TMED3: variants seen among roughly 807,000 people sequenced by gnomAD.
The protein encoded by TMED3 is transmembrane emp24 domain-containing protein 3.
Under a neutral mutation model 15.0 loss-of-function variants are expected in TMED3, and 9 were observed. The observed-to-expected ratio is 0.60, with a 90% confidence interval of 0.36 to 1.04. The LOEUF is 1.04. TMED3 is among the 50% of genes least tolerant of loss of function. The probability of loss-of-function intolerance (pLI) is 0.01; values close to 1 mark genes in which losing one functional copy is unlikely to be tolerated. For synonymous variants in TMED3, 117 were observed against 121.4 expected, an observed-to-expected ratio of 0.96 and a Z score of 0.24; for missense variants, 267 against 278.9, an observed-to-expected ratio of 0.96 and a Z score of 0.30.
rs1318142337 is a variant in TMED3, at chr15:79,337,505, C to G, written c.417+23500C>G. Among the ~76,000 whole-genome samples, 3 of 152,176 alleles carry G rather than the reference C, an allele frequency of 2.0e-5. No individual in the cohort carries two copies. The South Asian group carries it at 6.2e-4, about 32-fold the overall frequency. On this transcript the variant is annotated intron_variant, in intron 2 of 2. Coordinates refer to the TMED3 transcript ENST00000424155. ...AGGACACAGTTCAGCCAATAACAGACAGTGTTAGATAAATTCCATCCAAGT... is the reference window on the plus strand; with the variant it reads ...AGGACACAGTTCAGCCAATAACAGAGAGTGTTAGATAAATTCCATCCAAGT...
At chr15:79,382,037 G>A (rs1028787600) in intron 2 of TMED3, among the ~76,000 whole-genome samples, 10 of 152,188 alleles carry the variant, frequency 6.6e-5, no homozygotes, top group East Asian at 1.9e-4. Context: ...CTGCTTGAGC[G>A]GAGCTTCATT....
In TMED3 at chr15:79,382,036, C is replaced by T. The variant is rs182118320; in HGVS notation, c.418-29364C>T. The stretch of plus-strand genomic sequence containing the variant: ...ATTGTGTACAAAGTAGCTGCTTGAG[C>T]GGAGCTTCATTATTCAACAGGGCTT... On this transcript the variant is annotated intron_variant, in intron 2 of 2. Transcript: ENST00000424155. Among the ~76,000 whole-genome samples the T allele has an allele frequency of 4.4e-3, 675 of 152,306 alleles. 6 individuals are homozygous for T. Among genetic ancestry groups the T allele is most frequent in the South Asian group, 7.7e-3 (37 of 4,828 alleles).
At chr15:79,392,978 AGAAGT>A (rs1893715710) in intron 2 of TMED3, among the ~76,000 whole-genome samples, 1 of 152,252 alleles carries the variant, frequency 6.6e-6, no homozygotes, top group Admixed American at 6.5e-5. Context: ...AGGGATCCCC[AGAAGT>A]GAAACTCAGT....
At chr15:79,359,825 T>C (rs934819208) in intron 2 of TMED3, among the ~76,000 whole-genome samples, 7 of 152,210 alleles carry the variant, frequency 4.6e-5, no homozygotes, top group African/African-American at 1.7e-4. Flanking sequence ...ATGCCTGGAA[T>C]AGCGAAAGCC....
At chr15:79,400,065 T>TC (rs1893813734) in intron 2 of TMED3, among the ~76,000 whole-genome samples, 1 of 152,188 alleles carries the variant, frequency 6.6e-6, no homozygotes, top group African/African-American at 2.4e-5. Flanking sequence ...AGCTTCTGCC[T>TC]TTCTCTCCAG....
At chr15:79,318,535 T>C (rs908844839) in intron 2 of TMED3, among the ~76,000 whole-genome samples, 1 of 152,104 alleles carries the variant, frequency 6.6e-6, no homozygotes, top group African/African-American at 2.4e-5. Context: ...ATCACCAGGG[T>C]GATGTAAATA....
chr15:79,386,866 T>A (rs1220869119), intron 2 of TMED3, among the ~76,000 whole-genome samples: 4 of 151,950 alleles, frequency 2.6e-5, no homozygotes, highest in African/African-American at 9.7e-5. Context: ...TAATGTAATA[T>A]AATTTATCAA....
At chr15:79,400,544 A>G (rs1445903724) in intron 2 of TMED3, among the ~76,000 whole-genome samples, 1 of 152,250 alleles carries the variant, frequency 6.6e-6, no homozygotes, top group African/African-American at 2.4e-5. Flanking sequence ...CCTAGGGTCT[A>G]GAGTTGATTA....
At chr15:79,379,804 A>G (rs1024380709) in intron 2 of TMED3, among the ~76,000 whole-genome samples, 6 of 152,218 alleles carry the variant, frequency 3.9e-5, no homozygotes, top group African/African-American at 1.4e-4. Context: ...CAGCTAGCAT[A>G]TAATTTTGTT....
downstream of TMED3, among the ~76,000 whole-genome samples, chr15:79,325,566 T>C (rs1252940909): frequency 6.6e-6 from 1 of 152,126 alleles, no homozygotes; most frequent in Non-Finnish European, 1.5e-5. Context: ...TATGTATATA[T>C]GAAAGGGAGT....
chr15:79,322,493 A>C lies in TMED3; in HGVS notation c.*279A>C. 17 of 1,256,258 alleles carry C rather than the reference A, an allele frequency of 1.4e-5. No individual in the cohort carries two copies. Among genetic ancestry groups the C allele is most frequent in the Non-Finnish European group, 1.7e-5 (17 of 996,318 alleles). 77.8% of individuals were successfully genotyped at this position (1,256,258 alleles called of 1,614,324 possible). A position where few individuals can be genotyped will look rare whatever the true frequency, so the allele number is the denominator to read the frequency against. ...GCCACTGTGGGAGGGTGGACAGGCA[A>C]TGGTTCAGTGGCCTGGCTGTTGGCA... On this transcript the variant is annotated 3_prime_UTR_variant, in exon 3 of 3. Coordinates refer to ENST00000299705, the MANE Select transcript of TMED3 (RefSeq NM_007364.4).
downstream of TMED3, among the ~76,000 whole-genome samples, chr15:79,325,056 T>G (rs1473670175): frequency 6.6e-6 from 1 of 152,064 alleles, no homozygotes; most frequent in Non-Finnish European, 1.5e-5. Context: ...AACTGACAGG[T>G]GGAGTTTGAA....
At chr15:79,386,704 A>ATTTTTTTTTTTTT (rs35828266) in intron 2 of TMED3, among the ~76,000 whole-genome samples, 1 of 125,182 alleles carries the variant, frequency 8.0e-6, no homozygotes, top group Non-Finnish European at 1.6e-5. Flanking sequence ...ATGCCTGGCT[A>ATTTTTTTTTTTTT]TTTTTTTTTT....
chr15:79,387,594 G>GCACACACACACACACA (rs60358297), intron 2 of TMED3, among the ~76,000 whole-genome samples: 1 of 149,306 alleles, frequency 6.7e-6, no homozygotes, highest in African/African-American at 2.5e-5. Context: ...ACATGCACCT[G>GCACACACACACACACA]CACACACACA....
chr15:79,353,924 C>T (rs1052761942), intron 2 of TMED3, among the ~76,000 whole-genome samples: 1 of 152,058 alleles, frequency 6.6e-6, no homozygotes, highest in Non-Finnish European at 1.5e-5. Flanking sequence ...CCCCAGCTTC[C>T]CCTAGAATCC....
intron 2 of TMED3, among the ~76,000 whole-genome samples, chr15:79,348,482 A>G (rs8029892): frequency 0.094 from 14,250 of 152,288 alleles, 708 homozygotes; most frequent in Admixed American, 0.12. Context: ...ACAAATCAAT[A>G]GAAACCTCAT....
At chr15:79,351,942 T>G (rs1028012698) in intron 2 of TMED3, among the ~76,000 whole-genome samples, 6 of 152,124 alleles carry the variant, frequency 3.9e-5, no homozygotes, top group African/African-American at 1.4e-4. Context: ...TTGGAGACCA[T>G]TATTCAAAGT....
At chr15:79,371,994 A>G (rs1893348320) in intron 2 of TMED3, among the ~76,000 whole-genome samples, 1 of 152,204 alleles carries the variant, frequency 6.6e-6, no homozygotes, top group Non-Finnish European at 1.5e-5. Flanking sequence ...CCTTGTCTCA[A>G]AGTTTAACTA....
intron 2 of TMED3, among the ~76,000 whole-genome samples, chr15:79,377,850 G>GCA (rs1893457523): frequency 6.6e-6 from 1 of 151,920 alleles, no homozygotes; most frequent in Admixed American, 6.6e-5. Flanking sequence ...GTTTCACCGT[G>GCA]TTAGCCAGGA....
Sources: allele counts gnomAD v4.1 joint callset (sites outside exome capture counted in the v4.1 genomes callset), GRCh38; gene constraint gnomAD v4.1.1; transcripts MANE v1.5; gene names NCBI Gene and HGNC (gene_info 2026-07-23, HGNC 2026-07-21).